The following POFUT3 variants were observed in gnomAD, a reference collection of about 807,000 sequenced individuals.
POFUT3 encodes protein O-fucosyltransferase 3.
the POFUT3 span, among the ~76,000 whole-genome samples, chr8:33,378,027 A>G: frequency 6.6e-6 from 1 of 152,224 alleles, no homozygotes; most frequent in Non-Finnish European, 1.5e-5. Context: ...TGGAGTAACC[A>G]TATCAGCTGG....
chr8:33,469,813 T>TC, the POFUT3 span, among the ~76,000 whole-genome samples: 1 of 142,918 alleles, frequency 7.0e-6, no homozygotes, highest in Non-Finnish European at 1.5e-5. Flanking sequence ...CTTTTTTTTT[T>TC]TTTTTTTTTT....
chr8:33,344,214 A>G, the POFUT3 span, among the ~76,000 whole-genome samples: 7 of 152,130 alleles, frequency 4.6e-5, no homozygotes, highest in East Asian at 1.2e-3. Context: ...ATTTAAAAAA[A>G]TGTCAAGTCT....
chr8:33,376,792 T>C, the POFUT3 span, among the ~76,000 whole-genome samples: 1 of 152,200 alleles, frequency 6.6e-6, no homozygotes, highest in Non-Finnish European at 1.5e-5. Flanking sequence ...GGATAGAGAC[T>C]GGATTTGAAG....
the POFUT3 span, among the ~76,000 whole-genome samples, chr8:33,326,023 G>C: frequency 6.6e-6 from 1 of 152,172 alleles, no homozygotes; most frequent in Non-Finnish European, 1.5e-5. Flanking sequence ...TATTTGCATG[G>C]AGCTGCTGGG....
the POFUT3 span, chr8:33,455,664 G>A: frequency 2.0e-5 from 7 of 351,188 alleles, no homozygotes; most frequent in Non-Finnish European, 4.0e-5. Flanking sequence ...AGCAGTTAAA[G>A]TAAGGCACAT....
chr8:33,360,464 TA>T, the POFUT3 span, among the ~76,000 whole-genome samples: 1 of 131,702 alleles, frequency 7.6e-6, no homozygotes, highest in Non-Finnish European at 1.5e-5. Flanking sequence ...TAAATAAAAA[TA>T]AAAATAAAAT....
the POFUT3 span, among the ~76,000 whole-genome samples, chr8:33,313,558 A>C: frequency 6.6e-6 from 1 of 151,944 alleles, no homozygotes; most frequent in East Asian, 1.9e-4. Context: ...GCTGTGAGCA[A>C]CACGGAATAA....
the POFUT3 span, among the ~76,000 whole-genome samples, chr8:33,466,442 AAAGAAGG>A: frequency 6.6e-6 from 1 of 151,732 alleles, no homozygotes; most frequent in Non-Finnish European, 1.5e-5. Context: ...AAAGAAAACA[AAAGAAGG>A]AAAGGAAAGA....
the POFUT3 span, among the ~76,000 whole-genome samples, chr8:33,358,860 C>A: frequency 6.6e-6 from 1 of 151,862 alleles, no homozygotes; most frequent in Non-Finnish European, 1.5e-5. Context: ...AGAAGGAGAC[C>A]CCAGAGAAAC....
chr8:33,384,651 C>A, the POFUT3 span, among the ~76,000 whole-genome samples: 2 of 152,032 alleles, frequency 1.3e-5, no homozygotes, highest in Non-Finnish European at 2.9e-5. Flanking sequence ...GAAACCCCGT[C>A]TCTACTAAAA....
chr8:33,338,481 G>A, the POFUT3 span, among the ~76,000 whole-genome samples: 2 of 152,154 alleles, frequency 1.3e-5, no homozygotes, highest in African/African-American at 2.4e-5. Context: ...CTAGTAACAA[G>A]ATCCCCCCTC....
the POFUT3 span, among the ~76,000 whole-genome samples, chr8:33,456,771 C>CTT: frequency 1.7e-5 from 2 of 117,318 alleles, no homozygotes; most frequent in African/African-American, 3.3e-5. Context: ...TTTCTTTTTT[C>CTT]TTTTTTTTTT....
the POFUT3 span, among the ~76,000 whole-genome samples, chr8:33,402,472 G>A: frequency 6.6e-6 from 1 of 152,150 alleles, no homozygotes; most frequent in African/African-American, 2.4e-5. Flanking sequence ...CTCTACCCAA[G>A]AGGGAAACAG....
chr8:33,408,903 C>A, the POFUT3 span, among the ~76,000 whole-genome samples: 1 of 151,890 alleles, frequency 6.6e-6, no homozygotes, highest in Admixed American at 6.6e-5. Context: ...CAGAACTCAC[C>A]AACTGCACAC....
chr8:33,335,700 C>G, the POFUT3 span, among the ~76,000 whole-genome samples: 2 of 152,058 alleles, frequency 1.3e-5, no homozygotes, highest in Non-Finnish European at 2.9e-5. Flanking sequence ...CATAAACAGC[C>G]AATTCACACA....
chr8:33,398,070 A>T, the POFUT3 span, among the ~76,000 whole-genome samples: 1 of 152,238 alleles, frequency 6.6e-6, no homozygotes, highest in East Asian at 1.9e-4. Context: ...AATCTAGACT[A>T]ACAAAAATGC....
the POFUT3 span, chr8:33,436,731 G>A: frequency 3.0e-6 from 2 of 658,452 alleles, no homozygotes; most frequent in Non-Finnish European, 5.4e-6. Context: ...AAATCAGCAG[G>A]GCCTCCTCCT....
the POFUT3 span, among the ~76,000 whole-genome samples, chr8:33,357,612 TG>T: frequency 6.6e-6 from 1 of 152,052 alleles, no homozygotes; most frequent in African/African-American, 2.4e-5. Context: ...AGTTTTCTTT[TG>T]TTTTCCCCTA....
At chr8:33,323,231 G>A in the POFUT3 span, among the ~76,000 whole-genome samples, 18 of 152,148 alleles carry the variant, frequency 1.2e-4, no homozygotes, top group Non-Finnish European at 2.6e-4. Flanking sequence ...TGTGTGTCTT[G>A]ATGATGCGGA....
Sources: gnomAD v4.1 joint callset for allele counts (sites outside exome capture counted in the v4.1 genomes callset) on GRCh38, gnomAD v4.1.1 for gene constraint, MANE v1.5 for transcripts, NCBI Gene and HGNC (gene_info 2026-07-23, HGNC 2026-07-21) for gene names.